The following TENM3 variants were observed in gnomAD, a reference collection of about 807,000 sequenced individuals.
TENM3 encodes the protein teneurin transmembrane protein 3.
A neutral mutation model predicts 255.1 loss-of-function variants in TENM3; 63 were observed. That is an observed-to-expected ratio of 0.25 (90% CI 0.20 to 0.30). The LOEUF is 0.30. Ranked by LOEUF, TENM3 falls within the 10% of genes least tolerant of loss-of-function variation. TENM3 has a pLI of 1.00. For synonymous variants in TENM3, 1,306 were observed against 1,322.3 expected (o/e 0.99, Z 0.27); for missense variants, 2,929 against 3,461.1 (o/e 0.85, Z 3.86).
At chr4:181,467,697 A>G in the TENM3 span, among the ~76,000 whole-genome samples, 2 of 152,164 alleles carry the variant, frequency 1.3e-5, no homozygotes, top group Non-Finnish European at 2.9e-5. Context: ...CTGGTGCCTG[A>G]GTCGAAAGGA....
At chr4:182,123,644 A>G in the TENM3 span, among the ~76,000 whole-genome samples, 1 of 152,234 alleles carries the variant, frequency 6.6e-6, no homozygotes, top group Non-Finnish European at 1.5e-5. Context: ...CAATTACAAT[A>G]GTAACATCAA....
intron 1 of TENM3, among the ~76,000 whole-genome samples, chr4:182,293,851 TA>T (rs759320579): frequency 2.0e-5 from 3 of 152,174 alleles, no homozygotes; most frequent in Non-Finnish European, 4.4e-5. Flanking sequence ...ATTATCTAAT[TA>T]AACTAATTCG....
the TENM3 span, among the ~76,000 whole-genome samples, chr4:181,598,211 CG>C: frequency 6.6e-6 from 1 of 152,180 alleles, no homozygotes; most frequent in Non-Finnish European, 1.5e-5. Flanking sequence ...CTCTCTTCTC[CG>C]TTTACAACAC....
chr4:182,599,563 T>G (rs1420623638), intron 3 of TENM3, among the ~76,000 whole-genome samples: 1 of 152,192 alleles, frequency 6.6e-6, no homozygotes, highest in Non-Finnish European at 1.5e-5. Flanking sequence ...GTAATATTAC[T>G]GATGTTATAT....
chr4:182,452,314 A>C (rs1279162695), intron 3 of TENM3, among the ~76,000 whole-genome samples: 1 of 115,518 alleles, frequency 8.7e-6, no homozygotes, highest in African/African-American at 3.4e-5. Context: ...TTTTCTTTTT[A>C]GATTTTTTTT....
At chr4:181,643,506 G>T in the TENM3 span, among the ~76,000 whole-genome samples, 1 of 151,984 alleles carries the variant, frequency 6.6e-6, no homozygotes. Flanking sequence ...TGATTGCCCT[G>T]GCCAGAGTGT....
At chr4:182,303,287 C>T (rs1022400197) in intron 1 of TENM3, among the ~76,000 whole-genome samples, 2 of 152,030 alleles carry the variant, frequency 1.3e-5, no homozygotes, top group Admixed American at 6.5e-5. Flanking sequence ...GAGCATTGGC[C>T]TTCTCAACTG....
At chr4:181,454,319 G>A in the TENM3 span, among the ~76,000 whole-genome samples, 2 of 152,060 alleles carry the variant, frequency 1.3e-5, no homozygotes, top group Non-Finnish European at 1.5e-5. Context: ...ACCGCATAAC[G>A]ATGTTTCAGT....
the TENM3 span, among the ~76,000 whole-genome samples, chr4:182,125,520 G>A: frequency 0.095 from 14,454 of 152,178 alleles, 940 homozygotes; most frequent in South Asian, 0.15. Context: ...TAAAATTGAC[G>A]TTGGGATTTA....
intron 12 of TENM3, among the ~76,000 whole-genome samples, chr4:182,707,137 C>T (rs751916680): frequency 5.3e-5 from 8 of 152,050 alleles, no homozygotes; most frequent in East Asian, 3.9e-4. Flanking sequence ...GAATTCATCA[C>T]GGCCAATTCT....
the TENM3 span, among the ~76,000 whole-genome samples, chr4:181,967,356 A>G: frequency 6.6e-6 from 1 of 151,996 alleles, no homozygotes; most frequent in African/African-American, 2.4e-5. Context: ...ATTTTTCAGG[A>G]TTTTCACGGG....
chr4:181,605,474 GAAAC>G, the TENM3 span, among the ~76,000 whole-genome samples: 386 of 95,736 alleles, frequency 4.0e-3, 13 homozygotes, highest in African/African-American at 0.013. Context: ...GAGAGAGAGA[GAAAC>G]AGAGAAAGAA....
At chr4:182,097,375 T>G in the TENM3 span, among the ~76,000 whole-genome samples, 1 of 152,272 alleles carries the variant, frequency 6.6e-6, no homozygotes, top group African/African-American at 2.4e-5. Context: ...TTCTTCCTTG[T>G]TTGTTATATT....
chr4:182,679,612 A>T, intron 7 of TENM3, 54 bp from the exon 8 acceptor site: 1 of 1,357,090 alleles, frequency 7.4e-7, no homozygotes, highest in Non-Finnish European at 1.0e-6. Flanking sequence ...AAAAAAAAAG[A>T]GAGAAGCAGC....
At chr4:181,974,517 G>A in the TENM3 span, among the ~76,000 whole-genome samples, 1 of 152,038 alleles carries the variant, frequency 6.6e-6, no homozygotes, top group Non-Finnish European at 1.5e-5. Flanking sequence ...GCAGTGAGCC[G>A]AGATTGCGCT....
At chr4:181,654,754 CAAAA>C in the TENM3 span, among the ~76,000 whole-genome samples, 2 of 93,022 alleles carry the variant, frequency 2.2e-5, no homozygotes, top group African/African-American at 4.5e-5. Flanking sequence ...AACTCCATCT[CAAAA>C]AAAAAAAAAA....
the TENM3 span, among the ~76,000 whole-genome samples, chr4:181,893,414 G>C: frequency 6.6e-6 from 1 of 151,186 alleles, no homozygotes; most frequent in East Asian, 2.0e-4. Context: ...TGATAATATA[G>C]CTAATAAATT....
the TENM3 span, among the ~76,000 whole-genome samples, chr4:181,830,190 G>A: frequency 6.6e-6 from 1 of 152,182 alleles, no homozygotes; most frequent in Non-Finnish European, 1.5e-5. Context: ...CTACGTTTAG[G>A]TGGAGGGAAT....
At chr4:182,499,146 T>C (rs981356984) in intron 3 of TENM3, among the ~76,000 whole-genome samples, 3 of 152,200 alleles carry the variant, frequency 2.0e-5, no homozygotes, top group African/African-American at 7.2e-5. Flanking sequence ...ATGATTTGAT[T>C]TGGTAGTAGA....
Sources: gnomAD v4.1 joint callset for allele counts (sites outside exome capture counted in the v4.1 genomes callset) on GRCh38, gnomAD v4.1.1 for gene constraint, MANE v1.5 for transcripts, NCBI Gene and HGNC (gene_info 2026-07-23, HGNC 2026-07-21) for gene names.